Variants in TSPAN18 observed in about 807,000 individuals in gnomAD.
TSPAN18 encodes tetraspanin-18.
Under a neutral mutation model 27.3 loss-of-function variants are expected in TSPAN18, and 14 were observed. The observed-to-expected ratio is 0.51, with a 90% CI of 0.34 to 0.80. TSPAN18 has a LOEUF of 0.80. TSPAN18 is among the 30% of genes least tolerant of loss of function. The probability of loss-of-function intolerance (pLI) is 0.01; values close to 1 mark genes in which losing one functional copy is unlikely to be tolerated. For missense variants in TSPAN18, 268 were observed against 323.9 expected (o/e 0.83, Z 1.32); for synonymous variants, 143 against 136.5 (o/e 1.05, Z -0.33).
intron 1 of TSPAN18, among the ~76,000 whole-genome samples, chr11:44,751,293 G>A (rs971346497): frequency 6.6e-6 from 1 of 152,156 alleles, no homozygotes; most frequent in Non-Finnish European, 1.5e-5. Context: ...CCTGACCCTG[G>A]CAGCCTGGCA....
intron 2 of TSPAN18, among the ~76,000 whole-genome samples, chr11:44,851,827 A>G (rs1292496323): frequency 4.6e-5 from 7 of 152,072 alleles, no homozygotes; most frequent in African/African-American, 1.2e-4. Context: ...TACTTTCTCC[A>G]TCTTCAACAG....
intron 1 of TSPAN18, among the ~76,000 whole-genome samples, chr11:44,731,785 A>G (rs1363650042): frequency 1.3e-5 from 2 of 152,114 alleles, no homozygotes; most frequent in Non-Finnish European, 2.9e-5. Flanking sequence ...CCCCATGGCA[A>G]GAAGCCCAAT....
rs183407376 is a variant in TSPAN18, at chr11:44,798,074, T to G, written c.-153+33562T>G. Among the ~76,000 whole-genome samples, 10 of 152,300 alleles carry G rather than the reference T, an allele frequency of 6.6e-5. No individual in the cohort carries two copies. In the East Asian group the frequency reaches 9.6e-4, roughly 15 times the overall value. On this transcript the variant is annotated intron_variant, in intron 2 of 9. Transcript: ENST00000520358. ...TGAGGTTATTAACATCTGAACACACTTCTAGAAAGGCTCTTCAGGCCAGCC... is the reference window on the plus strand; with the variant it reads ...TGAGGTTATTAACATCTGAACACACGTCTAGAAAGGCTCTTCAGGCCAGCC...
At chr11:44,874,689 T>C (rs1040453705) in intron 3 of TSPAN18, among the ~76,000 whole-genome samples, 6 of 152,120 alleles carry the variant, frequency 3.9e-5, no homozygotes, top group African/African-American at 1.4e-4. Context: ...GGTGCCTGGG[T>C]AGGGGGACAT....
chr11:44,745,766 G>A (rs1453657577), intron 1 of TSPAN18, among the ~76,000 whole-genome samples: 2 of 152,196 alleles, frequency 1.3e-5, no homozygotes, highest in African/African-American at 2.4e-5. Context: ...GGTGGCTCAC[G>A]CCTGTAATCC....
chr11:44,759,078 G>C (rs1234963613), intron 1 of TSPAN18, among the ~76,000 whole-genome samples: 1 of 152,210 alleles, frequency 6.6e-6, no homozygotes, highest in South Asian at 2.1e-4. Flanking sequence ...ATCAGCAGCT[G>C]TCCTTCTGCT....
At chr11:44,890,670 G>A (rs1448674564) in intron 3 of TSPAN18, among the ~76,000 whole-genome samples, 1 of 151,236 alleles carries the variant, frequency 6.6e-6, no homozygotes, top group Admixed American at 6.6e-5. Flanking sequence ...TTGCCAGCCT[G>A]GGCGGAACCC....
intron 3 of TSPAN18, among the ~76,000 whole-genome samples, chr11:44,875,057 G>A (rs897071020): frequency 6.6e-6 from 1 of 152,228 alleles, no homozygotes; most frequent in Non-Finnish European, 1.5e-5. Flanking sequence ...CAGGGCTGGA[G>A]CAGCAGCTCC....
At chr11:44,805,609 C>T (rs1465527201) in intron 2 of TSPAN18, among the ~76,000 whole-genome samples, 1 of 152,172 alleles carries the variant, frequency 6.6e-6, no homozygotes, top group African/African-American at 2.4e-5. Flanking sequence ...CCATGTTTGC[C>T]TTCTGTGTTA....
intron 9 of TSPAN18, among the ~76,000 whole-genome samples, chr11:44,927,887 G>A (rs921518608): frequency 1.3e-5 from 2 of 152,170 alleles, no homozygotes; most frequent in Non-Finnish European, 2.9e-5. Flanking sequence ...TACAGATGAC[G>A]GGGACAGCAT....
chr11:44,869,730 G>T (rs1858140550), intron 3 of TSPAN18, among the ~76,000 whole-genome samples: 1 of 152,174 alleles, frequency 6.6e-6, no homozygotes, highest in Non-Finnish European at 1.5e-5. Context: ...TGTCACACGG[G>T]CCCAGTGTTC....
intron 3 of TSPAN18, among the ~76,000 whole-genome samples, chr11:44,878,325 C>T (rs980283344): frequency 6.6e-6 from 1 of 152,218 alleles, no homozygotes; most frequent in Non-Finnish European, 1.5e-5. Flanking sequence ...GAACAAGCCA[C>T]GCTGGGCTCC....
intron 3 of TSPAN18, chr11:44,886,141 C>T (rs1319023567): frequency 2.0e-5 from 3 of 152,256 alleles, no homozygotes; most frequent in Admixed American, 1.3e-4. Context: ...CCTGTTGCCT[C>T]TGGATCTGGA....
chr11:44,841,154 T>A (rs1857365143), intron 2 of TSPAN18, among the ~76,000 whole-genome samples: 1 of 152,156 alleles, frequency 6.6e-6, no homozygotes, highest in African/African-American at 2.4e-5. Context: ...ACACAGTGGC[T>A]GCCTACATGG....
rs565101897 is a variant in TSPAN18, at chr11:44,895,983, G to A, written c.-10-10424G>A. ...TTGGCCTTGTCACTGGCATCTCCAAGCCTCAATTTCATTCTGTAAAAACCA... is the reference window on the plus strand; with the variant it reads ...TTGGCCTTGTCACTGGCATCTCCAAACCTCAATTTCATTCTGTAAAAACCA... On this transcript the variant is annotated intron_variant, in intron 3 of 9. Coordinates refer to ENST00000520358, the MANE Select transcript of TSPAN18 (RefSeq NM_130783.5). 2.0e-5 allele frequency among the ~76,000 whole-genome samples: 3 copies of A among 152,276 alleles called. No homozygotes were observed. The South Asian group carries it at 6.2e-4, about 32-fold the overall frequency.
At chr11:44,900,764 G>T (rs1178305567) in intron 3 of TSPAN18, among the ~76,000 whole-genome samples, 1 of 127,724 alleles carries the variant, frequency 7.8e-6, no homozygotes, top group Non-Finnish European at 1.6e-5. Context: ...CATGATCTCG[G>T]CTCACTGCCA....
intron 2 of TSPAN18, among the ~76,000 whole-genome samples, chr11:44,844,055 C>T (rs1857430646): frequency 6.6e-6 from 1 of 152,172 alleles, no homozygotes; most frequent in Non-Finnish European, 1.5e-5. Flanking sequence ...GATAAGTGTC[C>T]ATGAAATCTT....
chr11:44,764,720 G>A (rs1855527653), intron 2 of TSPAN18, among the ~76,000 whole-genome samples: 1 of 152,152 alleles, frequency 6.6e-6, no homozygotes, highest in Non-Finnish European at 1.5e-5. Context: ...GGGCAACGGG[G>A]CCACCTTGGT....
At chr11:44,867,389 CTTTTTTTTTTTTTTTT>C (rs71038824) in intron 3 of TSPAN18, among the ~76,000 whole-genome samples, 1 of 60,410 alleles carries the variant, frequency 1.7e-5, no homozygotes, top group Non-Finnish European at 2.8e-5. Flanking sequence ...GTTTATGAAT[CTTTTTTTTTTTTTTTT>C]TTTTTTTTTT....
Sources: gnomAD v4.1 joint callset for allele counts (sites outside exome capture counted in the v4.1 genomes callset) on GRCh38, gnomAD v4.1.1 for gene constraint, MANE v1.5 for transcripts, NCBI Gene and HGNC (gene_info 2026-07-23, HGNC 2026-07-21) for gene names.